Variants in ABCA13 observed in about 807,000 individuals in gnomAD.
ABCA13 encodes ATP binding cassette subfamily A member 13.
Under a neutral mutation model 478.7 loss-of-function variants are expected in ABCA13, and 476 were observed. The ratio of observed to expected loss-of-function variants is 0.99; its 90% CI spans 0.92 to 1.07. The LOEUF (loss-of-function observed/expected upper bound fraction) is 1.07. Among genes scored for constraint, ABCA13 ranks in the 50% least tolerant of loss-of-function variants. The pLI, the probability that ABCA13 is intolerant of heterozygous loss-of-function variation, is 0.00. For synonymous variants in ABCA13, 2,252 were observed against 2,158.9 expected (o/e 1.04, Z -1.20); for missense variants, 6,060 against 5,910.6 (o/e 1.03, Z -0.83).
chr7:48,367,878 G>T lies in ABCA13; in HGVS notation c.10773G>T (p.Leu3591Phe). The T allele has an allele frequency of 6.3e-7, 1 of 1,579,566 alleles. No individual in the cohort carries two copies. The highest frequency in any genetic ancestry group is 8.6e-7 in the Non-Finnish European group (1 of 1,161,602). The change falls in exon 32 of 62, where the codon TTG becomes TTT. Residue 3591 changes from leucine to phenylalanine, a missense_variant. Leu to Phe is a conservative substitution (Grantham distance 22). Around this residue, in one of 3 missense-constraint regions of ABCA13, gnomAD observed 4,423 missense variants for 4,309.1 expected, o/e 1.03. Coordinates refer to ENST00000435803, the MANE Select transcript of ABCA13 (RefSeq NM_152701.5). Reference sequence around the variant, plus strand: ...CTGTGGCCAGCATGGTCAGAAAGTTGGTGTATGAGCAGGAGATACAGATAG... The same window carrying T: ...CTGTGGCCAGCATGGTCAGAAAGTTTGTGTATGAGCAGGAGATACAGATAG... ...MVSVASMVRK[L>F]VYEQEIQIEE...
intron 59 of ABCA13, among the ~76,000 whole-genome samples, chr7:48,640,377 A>G (rs1461635655): frequency 6.6e-6 from 1 of 152,152 alleles, no homozygotes; most frequent in Non-Finnish European, 1.5e-5. Flanking sequence ...CTTTCAAAAT[A>G]TATGTGTGTA....
intron 59 of ABCA13, among the ~76,000 whole-genome samples, chr7:48,629,203 G>A (rs1793938909): frequency 6.6e-6 from 1 of 152,292 alleles, no homozygotes; most frequent in African/African-American, 2.4e-5. Context: ...GCCAGACTTA[G>A]TGCTGGTGTA....
chr7:48,512,454 A>G (rs1831772224), intron 51 of ABCA13, among the ~76,000 whole-genome samples: 2 of 152,192 alleles, frequency 1.3e-5, no homozygotes, highest in Non-Finnish European at 2.9e-5. Flanking sequence ...TATTTATTAT[A>G]TTTAGCTAGA....
rs201286870 is a variant in ABCA13 at position 48,487,308 on chromosome 7, CAAAAAA to C, written c.13183-1923_13183-1918del. Among the ~76,000 whole-genome samples, 93 of 110,898 alleles carry C rather than the reference CAAAAAA, an allele frequency of 8.4e-4. 1 individual carries two copies. Among genetic ancestry groups the C allele is most frequent in the African/African-American group, 3.3e-3 (90 of 27,104 alleles). The allele number at this position is 110,898 out of a possible 152,430, so 72.8% of individuals were successfully genotyped here. A position where few individuals can be genotyped will look rare whatever the true frequency, so the allele number is the denominator to read the frequency against. Reference sequence around the variant, plus strand: ...CTGGGCAACGAGCAAAACTGTGTCTCAAAAAAAAAACAAAACAAAACAAAACAAAAA... The same window carrying C: ...CTGGGCAACGAGCAAAACTGTGTCTCAAAACAAAACAAAACAAAACAAAAA... On this transcript the variant is annotated intron_variant, in intron 47 of 61. Coordinates refer to ENST00000435803, the MANE Select transcript of ABCA13 (RefSeq NM_152701.5).
At chr7:48,368,892 A>C (rs886814409) in intron 32 of ABCA13, among the ~76,000 whole-genome samples, 2 of 151,710 alleles carry the variant, frequency 1.3e-5, no homozygotes, top group Non-Finnish European at 2.9e-5. Flanking sequence ...ATATGTGTGC[A>C]ACTATCTTTT....
intron 3 of ABCA13, among the ~76,000 whole-genome samples, chr7:48,212,980 C>T (rs905099413): frequency 1.3e-5 from 2 of 151,918 alleles, no homozygotes; most frequent in African/African-American, 4.8e-5. Flanking sequence ...TTTTCTTTAA[C>T]AAAGAAATAT....
intron 7 of ABCA13, among the ~76,000 whole-genome samples, chr7:48,232,667 T>C: frequency 6.6e-6 from 1 of 152,248 alleles, no homozygotes; most frequent in East Asian, 1.9e-4. Context: ...AATTCTCTGT[T>C]GTTTAGCAAC....
intron 15 of ABCA13, among the ~76,000 whole-genome samples, chr7:48,266,147 T>A (rs1794844106): frequency 6.6e-6 from 1 of 151,742 alleles, no homozygotes. Flanking sequence ...ATATATTACC[T>A]TTTTATCTAT....
intron 3 of ABCA13, among the ~76,000 whole-genome samples, chr7:48,215,257 A>G (rs1269670364): frequency 1.3e-5 from 2 of 152,158 alleles, no homozygotes; most frequent in Non-Finnish European, 2.9e-5. Flanking sequence ...GTCTCAGGGA[A>G]CAGGAAGGCC....
chr7:48,257,021 C>T (rs1314909952), intron 15 of ABCA13, among the ~76,000 whole-genome samples: 4 of 152,076 alleles, frequency 2.6e-5, no homozygotes, highest in Admixed American at 1.3e-4. Context: ...GGAGATCTTT[C>T]GCCTTCCTGG....
Position 48,391,989 on chromosome 7 carries a change from CA to C in ABCA13, c.11724del (p.Asp3909ThrfsTer34). Reference sequence around the variant, plus strand: ...ATCATCAATGGCAAGAACCTACAGACAGACCTGTCGAGGGTCAGAATGGAGC... The same window carrying C: ...ATCATCAATGGCAAGAACCTACAGACGACCTGTCGAGGGTCAGAATGGAGC... ...TIIINGKNLQ[T>X]DLSRVRMELG... On this transcript the variant is annotated frameshift_variant, in exon 38 of 62. Transcript: ENST00000435803. LOFTEE classifies it high-confidence loss of function. The C allele has an allele frequency of 6.2e-7, 1 of 1,614,016 alleles. No homozygotes were observed. The highest frequency in any genetic ancestry group is 1.3e-5 in the African/African-American group (1 of 75,064).
intron 35 of ABCA13, among the ~76,000 whole-genome samples, chr7:48,381,290 G>A (rs1386011198): frequency 6.6e-6 from 1 of 152,038 alleles, no homozygotes; most frequent in Non-Finnish European, 1.5e-5. Context: ...GTGGGTAGGA[G>A]GGTGTCTCCA....
intron 3 of ABCA13, among the ~76,000 whole-genome samples, chr7:48,216,750 G>A (rs902964451): frequency 6.6e-6 from 1 of 151,714 alleles, no homozygotes; most frequent in African/African-American, 2.4e-5. Flanking sequence ...ATTTTGAGTT[G>A]ACTTTTGTGT....
At chr7:48,456,337 C>A (rs2129780116) in intron 43 of ABCA13, among the ~76,000 whole-genome samples, 1 of 152,266 alleles carries the variant, frequency 6.6e-6, no homozygotes, top group East Asian at 1.9e-4. Flanking sequence ...AATACATGGA[C>A]AAAGTAAAAA....
intron 59 of ABCA13, among the ~76,000 whole-genome samples, chr7:48,620,675 T>C (rs1793050364): frequency 5.3e-5 from 8 of 152,176 alleles, no homozygotes; most frequent in Admixed American, 2.6e-4. Flanking sequence ...GTTACAATAA[T>C]AGTTAGACCA....
intron 1 of ABCA13, among the ~76,000 whole-genome samples, 189 bp downstream of exon 1, chr7:48,171,741 C>T (rs950861065): frequency 5.9e-5 from 9 of 152,090 alleles, no homozygotes; most frequent in Admixed American, 1.3e-4. Context: ...CTTTAATGAC[C>T]AGGATGAAAT....
At chr7:48,459,647 A>G (rs1826040018) in intron 43 of ABCA13, among the ~76,000 whole-genome samples, 1 of 152,014 alleles carries the variant, frequency 6.6e-6, no homozygotes, top group Admixed American at 6.6e-5. Flanking sequence ...CTACAGGGAG[A>G]CTTCCTGGAG....
At chr7:48,624,801 C>T (rs891303394) in intron 59 of ABCA13, among the ~76,000 whole-genome samples, 5 of 152,000 alleles carry the variant, frequency 3.3e-5, no homozygotes, top group Non-Finnish European at 7.4e-5. Context: ...GTGATCTGCC[C>T]GCCTCAGTCT....
chr7:48,272,503 CT>C lies in ABCA13; in HGVS notation c.2838del (p.His947ThrfsTer4). On this transcript the variant is annotated frameshift_variant, in exon 17 of 62. Transcript: ENST00000435803. LOFTEE classifies it high-confidence loss of function. Reference protein sequence around the residue: ...PQKQEVDKILTHIHLNVFQDK... With the variant: ...PQKQEVDKILXHIHLNVFQDK... ...AAACAAGAAGTTGATAAAATTTTGA[CT>C]CACATACACCTAAATGTCTTCCAGG... is the stretch of plus-strand genomic sequence containing the variant. 1 of 1,613,780 alleles carries C rather than the reference CT, an allele frequency of 6.2e-7. No homozygotes were observed. Among genetic ancestry groups the C allele is most frequent in the Non-Finnish European group, 8.5e-7 (1 of 1,179,762 alleles).
Sources: allele counts gnomAD v4.1 joint callset (sites outside exome capture counted in the v4.1 genomes callset), GRCh38; gene constraint gnomAD v4.1.1; regional missense constraint gnomAD v4.1.1; transcripts MANE v1.5; gene names NCBI Gene and HGNC (gene_info 2026-07-23, HGNC 2026-07-21).